Variants in RBFOX1 observed in about 807,000 individuals in gnomAD.
The protein encoded by RBFOX1 is RNA binding fox-1 homolog 1, also known as RNA binding protein fox-1 homolog 1.
RBFOX1 carries 8 observed loss-of-function variants against 57.7 expected under a neutral mutation model. That is an observed-to-expected ratio of 0.14 (90% confidence interval 0.08 to 0.25). RBFOX1 has a LOEUF of 0.25. Ranked by LOEUF, RBFOX1 falls within the 10% of genes least tolerant of loss-of-function variation. The pLI is 1.00. For missense variants in RBFOX1, 611 were observed against 548.5 expected, an observed-to-expected ratio of 1.11 and a Z score of -1.14; for synonymous variants, 326 against 222.4, an observed-to-expected ratio of 1.47 and a Z score of -4.15.
chr16:5,937,636 G>T (rs2152259577), intron 4 of RBFOX1, among the ~76,000 whole-genome samples: 1 of 149,784 alleles, frequency 6.7e-6, no homozygotes, highest in Non-Finnish European at 1.5e-5. Context: ...TTATAATACA[G>T]TTTTATATAT....
intron 4 of RBFOX1, among the ~76,000 whole-genome samples, chr16:7,349,257 C>G (rs558305278): frequency 6.6e-6 from 1 of 152,160 alleles, no homozygotes; most frequent in South Asian, 2.1e-4. Flanking sequence ...CAAGTGGAGA[C>G]TGGGAGACCA....
chr16:6,348,064 G>C (rs1567987561), intron 2 of RBFOX1, among the ~76,000 whole-genome samples: 1 of 152,190 alleles, frequency 6.6e-6, no homozygotes, highest in Non-Finnish European at 1.5e-5. Context: ...CTAAGTGTGG[G>C]AGGCAGAGAA....
At chr16:6,652,540 G>A (rs1043986125) in intron 2 of RBFOX1, among the ~76,000 whole-genome samples, 4 of 152,046 alleles carry the variant, frequency 2.6e-5, no homozygotes, top group Non-Finnish European at 5.9e-5. Context: ...TGAGAAGGAG[G>A]CATCTACAAG....
intron 3 of RBFOX1, among the ~76,000 whole-genome samples, chr16:5,660,909 T>C (rs906699251): frequency 3.3e-5 from 5 of 152,022 alleles, no homozygotes; most frequent in South Asian, 2.1e-4. Context: ...TGAGGATGAA[T>C]TGCCTCCAAC....
chr16:7,434,197 C>A (rs957746238), intron 4 of RBFOX1, among the ~76,000 whole-genome samples: 2 of 152,006 alleles, frequency 1.3e-5, no homozygotes, highest in Non-Finnish European at 2.9e-5. Context: ...AGGGGCGGGG[C>A]GCGGTGGCTC....
At chr16:5,509,014 C>G (rs9630640) in intron 2 of RBFOX1, among the ~76,000 whole-genome samples, 41,949 of 152,122 alleles carry the variant, frequency 0.28, 7,519 homozygotes, top group African/African-American at 0.52. Context: ...GGACTTCCTT[C>G]CCTCTCACTT....
At chr16:6,745,592 C>G (rs969782451) in intron 3 of RBFOX1, among the ~76,000 whole-genome samples, 1 of 152,036 alleles carries the variant, frequency 6.6e-6, no homozygotes, top group African/African-American at 2.4e-5. Context: ...TGACAAAATC[C>G]AAAATGGATT....
intron 1 of RBFOX1, among the ~76,000 whole-genome samples, chr16:6,093,121 G>C (rs1214428341): frequency 2.0e-5 from 3 of 152,104 alleles, no homozygotes; most frequent in Non-Finnish European, 4.4e-5. Flanking sequence ...AAACTGGTTG[G>C]CTATCCCCAA....
At chr16:7,021,474 T>C (rs905190140) in intron 3 of RBFOX1, among the ~76,000 whole-genome samples, 4 of 146,044 alleles carry the variant, frequency 2.7e-5, no homozygotes, top group African/African-American at 9.8e-5. Context: ...ATAATTTATA[T>C]TGTATATATT....
intron 14 of RBFOX1, among the ~76,000 whole-genome samples, chr16:7,678,860 C>A (rs1390598936): frequency 1.3e-5 from 2 of 152,052 alleles, no homozygotes; most frequent in Non-Finnish European, 2.9e-5. Flanking sequence ...GAAAGATTGC[C>A]CTTGTTCTTG....
At chr16:7,247,310 G>C (rs754853945) in intron 4 of RBFOX1, among the ~76,000 whole-genome samples, 3 of 152,182 alleles carry the variant, frequency 2.0e-5, no homozygotes, top group Non-Finnish European at 4.4e-5. Context: ...ACCAAAGCAA[G>C]TCTCACAGAC....
chr16:7,022,433 C>T (rs889991078), intron 3 of RBFOX1, among the ~76,000 whole-genome samples: 2 of 151,966 alleles, frequency 1.3e-5, no homozygotes, highest in Non-Finnish European at 2.9e-5. Context: ...TATCTTCATG[C>T]CCCACATTTC....
intron 1 of RBFOX1, among the ~76,000 whole-genome samples, chr16:6,036,603 C>T (rs2095368645): frequency 1.5e-5 from 1 of 68,076 alleles, no homozygotes; most frequent in Non-Finnish European, 3.4e-5. Context: ...CAGACAGTGT[C>T]TGTCTCTTTT....
At chr16:6,528,997 C>G (rs780409606) in intron 2 of RBFOX1, among the ~76,000 whole-genome samples, 2 of 152,098 alleles carry the variant, frequency 1.3e-5, no homozygotes, top group Non-Finnish European at 2.9e-5. Flanking sequence ...ACAATTAATC[C>G]TCCTTGGCAG....
chr16:5,345,749 G>A (rs968490549), intron 1 of RBFOX1, among the ~76,000 whole-genome samples: 5 of 152,064 alleles, frequency 3.3e-5, no homozygotes, highest in Non-Finnish European at 7.4e-5. Flanking sequence ...CACCTGATGG[G>A]TTAAGGCACA....
At chr16:6,033,588 T>TTG (rs139964947) in intron 1 of RBFOX1, among the ~76,000 whole-genome samples, 37 of 151,744 alleles carry the variant, frequency 2.4e-4, no homozygotes, top group South Asian at 1.2e-3. Flanking sequence ...TTCCCTCTCA[T>TTG]TGTGTGTGTG....
At chr16:6,941,216 C>G (rs988985084) in intron 3 of RBFOX1, among the ~76,000 whole-genome samples, 14 of 149,878 alleles carry the variant, frequency 9.3e-5, no homozygotes, top group African/African-American at 2.0e-4. Flanking sequence ...CCTTCCTTCC[C>G]TCCCATTACC....
chr16:6,087,311 T>C (rs1446718106), intron 1 of RBFOX1, among the ~76,000 whole-genome samples: 1 of 152,220 alleles, frequency 6.6e-6, no homozygotes, highest in Admixed American at 6.5e-5. Flanking sequence ...CGAGCACACA[T>C]GTGCATGCAA....
intron 1 of RBFOX1, among the ~76,000 whole-genome samples, chr16:6,048,904 C>G (rs377272108): frequency 3.8e-4 from 58 of 152,034 alleles, no homozygotes; most frequent in South Asian, 1.5e-3. Flanking sequence ...GGGTTTCTGT[C>G]CTTTTTAGAT....
Sources: gnomAD v4.1 joint callset for allele counts (sites outside exome capture counted in the v4.1 genomes callset) on GRCh38, gnomAD v4.1.1 for gene constraint, MANE v1.5 for transcripts, NCBI Gene and HGNC (gene_info 2026-07-23, HGNC 2026-07-21) for gene names.